Variants in ODF2L observed in about 807,000 individuals in gnomAD.
ODF2L encodes protein BCAP.
ODF2L carries 76 observed loss-of-function variants against 86.3 expected under a neutral mutation model. That is an observed-to-expected ratio of 0.88 (90% CI 0.73 to 1.07). The LOEUF is 1.07. ODF2L is among the 50% of genes least tolerant of loss of function. The pLI, the probability that ODF2L is intolerant of heterozygous loss-of-function variation, is 0.00. For synonymous variants in ODF2L, 241 were observed against 231.3 expected (o/e 1.04, Z -0.38); for missense variants, 748 against 717.4 (o/e 1.04, Z -0.49).
At position 86,356,433 on chromosome 1, in the gene ODF2L, C is replaced by G. The variant is rs199702607; in HGVS notation, c.1518+11G>C. The stretch of plus-strand genomic sequence containing the variant: ...ACGCATCTAGCAAAACTCAGAAGGA[C>G]GGCTGGACACCTGGCCCTGAAGCTC... On this transcript the variant is annotated intron_variant, in intron 14 of 17. Coordinates refer to ENST00000317336, the Ensembl canonical transcript of ODF2L. 1.3e-6 allele frequency: 2 copies of G among 1,592,614 alleles called. No individual in the cohort carries two copies. Among genetic ancestry groups the G allele is most frequent in the South Asian group, 2.3e-5 (2 of 88,202 alleles).
chr1:86,383,624 A>G (rs982000738), intron 4 of ODF2L, among the ~76,000 whole-genome samples: 1 of 151,796 alleles, frequency 6.6e-6, no homozygotes, highest in Admixed American at 6.6e-5. Flanking sequence ...ATTTTAAATG[A>G]GATCATAGAA....
intron 14 of ODF2L, chr1:86,355,344 C>A (rs1449815180): frequency 6.5e-7 from 1 of 1,529,760 alleles, no homozygotes; most frequent in Admixed American, 2.0e-5. Flanking sequence ...GACACACTCA[C>A]CCATGCCAAG....
chr1:86,376,701 G>T (rs932914554), intron 7 of ODF2L, among the ~76,000 whole-genome samples: 12 of 152,126 alleles, frequency 7.9e-5, no homozygotes, highest in African/African-American at 2.9e-4. Flanking sequence ...GAGGAGCAAA[G>T]GGGGAAGAGC....
chr1:86,387,053 G>T, exon 2 of ODF2L: 1 of 1,145,400 alleles, frequency 8.7e-7, no homozygotes, highest in Non-Finnish European at 1.2e-6. Context: ...ATTTATAGGT[G>T]GCTTCACAGC....
At chr1:86,349,674 C>G (rs1174328876), downstream of ODF2L, 1 of 152,114 alleles carries the variant, frequency 6.6e-6, no homozygotes, top group Non-Finnish European at 1.5e-5. Flanking sequence ...AAAATAGTAA[C>G]ACATACTTAT....
At chr1:86,348,904 G>A (rs1409789729), downstream of ODF2L, 4 of 1,543,374 alleles carry the variant, frequency 2.6e-6, no homozygotes, top group East Asian at 9.6e-5. Flanking sequence ...AAAAAATACA[G>A]ATAAGCAATA....
chr1:86,357,767 CTTG>C, intron 13 of ODF2L: 12 of 978,200 alleles, frequency 1.2e-5, no homozygotes, highest in Non-Finnish European at 1.5e-5. Flanking sequence ...AAATAGTTGT[CTTG>C]TTAAATACTA....
intron 14 of ODF2L, among the ~76,000 whole-genome samples, chr1:86,356,209 T>C (rs551429908): frequency 7.2e-6 from 1 of 139,732 alleles, no homozygotes; most frequent in East Asian, 2.0e-4. Context: ...CAAATGTCTA[T>C]AGATTTGCAT....
exon 8 of ODF2L, chr1:86,376,283 C>G: frequency 6.2e-7 from 1 of 1,613,038 alleles, no homozygotes; most frequent in Non-Finnish European, 8.5e-7. Context: ...GTAAAATGGT[C>G]AAGCCTTTGT....
intron 10 of ODF2L, among the ~76,000 whole-genome samples, chr1:86,370,231 T>C (rs1167257557): frequency 1.3e-5 from 2 of 152,088 alleles, no homozygotes; most frequent in African/African-American, 4.8e-5. Flanking sequence ...ATTTAACATG[T>C]CTTAAGGACA....
chr1:86,378,271 A>G (rs1660313829), intron 7 of ODF2L, among the ~76,000 whole-genome samples: 1 of 152,108 alleles, frequency 6.6e-6, no homozygotes, highest in Non-Finnish European at 1.5e-5. Context: ...TCTATCTGAG[A>G]CCACCTCAGC....
At chr1:86,380,975 A>T (rs1660542873) in intron 7 of ODF2L, among the ~76,000 whole-genome samples, 1 of 151,690 alleles carries the variant, frequency 6.6e-6, no homozygotes, top group Non-Finnish European at 1.5e-5. Context: ...CAACACAAAA[A>T]CGAAACAAAA....
intron 12 of ODF2L, 61 bp downstream of exon 11, chr1:86,360,365 G>C: frequency 1.3e-6 from 1 of 751,748 alleles, no homozygotes; most frequent in Non-Finnish European, 2.3e-6. Context: ...AGATTACAAA[G>C]AAATAGTGTT....
intron 10 of ODF2L, among the ~76,000 whole-genome samples, chr1:86,369,711 A>G (rs1659665724): frequency 6.6e-6 from 1 of 152,218 alleles, no homozygotes; most frequent in African/African-American, 2.4e-5. Context: ...AACACTATGT[A>G]TCTCCCACAA....
downstream of ODF2L, chr1:86,349,620 T>C (rs17129078): frequency 0.15 from 23,286 of 152,150 alleles, 1,924 homozygotes; most frequent in East Asian, 0.27. Context: ...CAGTACAAAG[T>C]CACAGGATGA....
At chr1:86,366,393 C>CACACAT (rs781441547) in intron 11 of ODF2L, among the ~76,000 whole-genome samples, 2 of 66,524 alleles carry the variant, frequency 3.0e-5, no homozygotes, top group East Asian at 2.4e-3. Flanking sequence ...ACCCCACCTA[C>CACACAT]ACACACACAC....
chr1:86,355,158 A>G (rs1658444097), intron 14 of ODF2L: 1 of 540,674 alleles, frequency 1.8e-6, no homozygotes, highest in Non-Finnish European at 3.3e-6. Context: ...TATTTTGTTA[A>G]GTTGAAATAG....
At chr1:86,347,475 A>T (rs1184138046), downstream of ODF2L, 1 of 152,116 alleles carries the variant, frequency 6.6e-6, no homozygotes, top group Non-Finnish European at 1.5e-5. Flanking sequence ...AAATGACACT[A>T]ATCTTGTTAG....
At chr1:86,351,888 A>G in exon 18 of ODF2L, 1 of 1,075,684 alleles carries the variant, frequency 9.3e-7, no homozygotes, top group Non-Finnish European at 1.1e-6. Context: ...TACTAGCTTT[A>G]GCCAAGTACT....
Sources: allele counts gnomAD v4.1 joint callset (sites outside exome capture counted in the v4.1 genomes callset), GRCh38; gene constraint gnomAD v4.1.1; transcripts MANE v1.5; gene names NCBI Gene and HGNC (gene_info 2026-07-23, HGNC 2026-07-21).